The following DPYD variants were observed in gnomAD, a reference collection of about 807,000 sequenced individuals.
DPYD encodes dihydropyrimidine dehydrogenase.
A neutral mutation model predicts 116.2 loss-of-function variants in DPYD; 109 were observed. That is an observed-to-expected ratio of 0.94 (90% CI 0.80 to 1.10). DPYD has a LOEUF of 1.10. Among genes scored for constraint, DPYD ranks in the 50% least tolerant of loss-of-function variants. The pLI is 0.00. For missense variants in DPYD, 1,302 were observed against 1,254.5 expected, an observed-to-expected ratio of 1.04 and a Z score of -0.57; for synonymous variants, 440 against 432.0, an observed-to-expected ratio of 1.02 and a Z score of -0.23.
intron 5 of DPYD, 121 bp from the exon 6 acceptor site, chr1:97,699,668 T>A: frequency 1.1e-6 from 1 of 934,042 alleles, no homozygotes; most frequent in Non-Finnish European, 1.7e-6. Flanking sequence ...TTTTCAGTAT[T>A]AATATGGTAT....
At chr1:97,874,740 T>C (rs529285433) in intron 2 of DPYD, among the ~76,000 whole-genome samples, 1 of 152,052 alleles carries the variant, frequency 6.6e-6, no homozygotes, top group Non-Finnish European at 1.5e-5. Flanking sequence ...TATGGAAAGC[T>C]ATCACATCTA....
intron 20 of DPYD, among the ~76,000 whole-genome samples, chr1:97,148,430 C>A (rs1363447681): frequency 6.6e-6 from 1 of 152,106 alleles, no homozygotes; most frequent in Non-Finnish European, 1.5e-5. Flanking sequence ...TCATTTATCT[C>A]TTAATAGATT....
At chr1:97,624,692 T>C (rs935808584) in intron 8 of DPYD, among the ~76,000 whole-genome samples, 1 of 151,978 alleles carries the variant, frequency 6.6e-6, no homozygotes. Flanking sequence ...CTATTCACAA[T>C]AGCTAAACTT....
chr1:97,791,072 A>G (rs1667296942), intron 3 of DPYD, among the ~76,000 whole-genome samples: 1 of 152,228 alleles, frequency 6.6e-6, no homozygotes, highest in South Asian at 2.1e-4. Context: ...CATAATGTAC[A>G]TAAACACAGA....
At position 97,368,549 on chromosome 1, in the gene DPYD, C is replaced by T. The variant is rs1213334309; in HGVS notation, c.2058+5012G>A. Among the ~76,000 whole-genome samples the T allele has an allele frequency of 4.6e-5, 7 of 152,148 alleles. No individual in the cohort carries two copies. In the East Asian group the frequency reaches 1.2e-3, roughly 25 times the overall value. Reference sequence around the variant, plus strand: ...CTTTATTGCCATATGGAAGGCAAGGCCTCTTACCACATATCTCACTCCATT... The same window carrying T: ...CTTTATTGCCATATGGAAGGCAAGGTCTCTTACCACATATCTCACTCCATT... On this transcript the variant is annotated intron_variant, in intron 16 of 22. Transcript: ENST00000370192.
intron 19 of DPYD, 140 bp from the exon 20 acceptor site, chr1:97,193,388 G>T: frequency 1.2e-6 from 1 of 850,152 alleles, no homozygotes; most frequent in Non-Finnish European, 1.9e-6. Flanking sequence ...GCCGTCTGGA[G>T]ATGGGGGTGG....
intron 10 of DPYD, among the ~76,000 whole-genome samples, chr1:97,583,603 A>G (rs1190848594): frequency 6.7e-6 from 1 of 149,580 alleles, no homozygotes; most frequent in Non-Finnish European, 1.5e-5. Context: ...GGATTCTAGT[A>G]ATTTTTATTA....
chr1:97,289,830 C>T (rs577864189), intron 18 of DPYD, among the ~76,000 whole-genome samples: 30 of 150,844 alleles, frequency 2.0e-4, no homozygotes, highest in African/African-American at 7.0e-4. Context: ...GTTGGAAGTT[C>T]TGGCCAGGGC....
intron 3 of DPYD, among the ~76,000 whole-genome samples, chr1:97,813,702 C>T (rs1016631896): frequency 6.6e-6 from 1 of 152,006 alleles, no homozygotes; most frequent in South Asian, 2.1e-4. Context: ...TGGGACAGAG[C>T]TATAAGCCTG....
At chr1:97,204,082 A>G (rs1176211224) in intron 19 of DPYD, among the ~76,000 whole-genome samples, 1 of 152,154 alleles carries the variant, frequency 6.6e-6, no homozygotes, top group African/African-American at 2.4e-5. Context: ...GTTAAGCGTT[A>G]TAGGAAAAAC....
intron 2 of DPYD, among the ~76,000 whole-genome samples, chr1:97,873,154 CA>C (rs1048757669): frequency 6.6e-6 from 1 of 151,802 alleles, no homozygotes; most frequent in African/African-American, 2.4e-5. Flanking sequence ...GCTGTCTGGG[CA>C]AAAACCGTTT....
chr1:97,652,936 T>C (rs1658673160), intron 8 of DPYD, among the ~76,000 whole-genome samples: 1 of 152,158 alleles, frequency 6.6e-6, no homozygotes, highest in Admixed American at 6.5e-5. Flanking sequence ...TATCACAGTT[T>C]TCCAAATCGC....
chr1:97,798,571 T>C (rs1041433494), intron 3 of DPYD, among the ~76,000 whole-genome samples: 2 of 151,944 alleles, frequency 1.3e-5, no homozygotes, highest in African/African-American at 4.8e-5. Flanking sequence ...AGTATACTAA[T>C]AGTACCTACC....
chr1:97,454,258 C>T (rs891757087), intron 13 of DPYD, among the ~76,000 whole-genome samples: 10 of 152,046 alleles, frequency 6.6e-5, no homozygotes, highest in Admixed American at 6.6e-4. Context: ...AATGAAAACA[C>T]ATATATAACC....
chr1:97,421,984 G>A (rs1299902799), intron 14 of DPYD, among the ~76,000 whole-genome samples: 1 of 152,082 alleles, frequency 6.6e-6, no homozygotes, highest in African/African-American at 2.4e-5. Context: ...GTGGGGATTG[G>A]AGTTCTGTAT....
intron 20 of DPYD, among the ~76,000 whole-genome samples, chr1:97,100,203 A>C (rs576485395): frequency 1.3e-5 from 2 of 152,216 alleles, no homozygotes; most frequent in East Asian, 3.9e-4. Flanking sequence ...AGTATAAAAC[A>C]AGTCCTTATC....
intron 2 of DPYD, among the ~76,000 whole-genome samples, chr1:97,881,914 G>A (rs899759681): frequency 1.3e-5 from 2 of 151,376 alleles, no homozygotes; most frequent in African/African-American, 2.4e-5. Context: ...GCTAAATGAC[G>A]AGTTAATGGG....
intron 19 of DPYD, among the ~76,000 whole-genome samples, chr1:97,196,697 A>G (rs1231027274): frequency 6.6e-6 from 1 of 152,182 alleles, no homozygotes; most frequent in African/African-American, 2.4e-5. Context: ...CAGGTGAGGA[A>G]AGTGAGTCTT....
At chr1:97,286,969 G>C (rs1373046653) in intron 18 of DPYD, among the ~76,000 whole-genome samples, 1 of 152,216 alleles carries the variant, frequency 6.6e-6, no homozygotes, top group African/African-American at 2.4e-5. Flanking sequence ...GTGAGGAACT[G>C]CGTTCCATTG....
Sources: gnomAD v4.1 joint callset for allele counts (sites outside exome capture counted in the v4.1 genomes callset) on GRCh38, gnomAD v4.1.1 for gene constraint, MANE v1.5 for transcripts, NCBI Gene and HGNC (gene_info 2026-07-23, HGNC 2026-07-21) for gene names.